Variants in TRIM8 observed in about 807,000 individuals in gnomAD.
TRIM8 encodes tripartite motif containing 8.
In TRIM8, 9 loss-of-function variants were observed where a neutral mutation model predicts 55.7. The observed-to-expected ratio is 0.16, with a 90% CI of 0.10 to 0.28. TRIM8 has a LOEUF of 0.28. Ranked by LOEUF, TRIM8 falls within the 10% of genes least tolerant of loss-of-function variation. The probability of loss-of-function intolerance (pLI) is 1.00; values close to 1 mark genes in which losing one functional copy is unlikely to be tolerated. For missense variants in TRIM8, 556 were observed against 736.4 expected, an observed-to-expected ratio of 0.76 and a Z score of 2.83; for synonymous variants, 335 against 333.3, an observed-to-expected ratio of 1.01 and a Z score of -0.06.
At chr10:102,645,300 C>T (rs2063924915) in intron 1 of TRIM8, 113 bp downstream of exon 1, 9 of 1,214,276 alleles carry the variant, frequency 7.4e-6, no homozygotes, top group Non-Finnish European at 9.8e-6. Flanking sequence ...GACATCAGGC[C>T]AGTGGCCCCT....
intron 1 of TRIM8, among the ~76,000 whole-genome samples, chr10:102,652,156 C>T (rs2063990702): frequency 6.6e-6 from 1 of 152,186 alleles, no homozygotes; most frequent in South Asian, 2.1e-4. Flanking sequence ...TGTGGGCCCC[C>T]TGCACCCAGC....
At chr10:102,652,442 A>G (rs1439775103) in intron 1 of TRIM8, among the ~76,000 whole-genome samples, 2 of 152,196 alleles carry the variant, frequency 1.3e-5, no homozygotes, top group Admixed American at 6.5e-5. Context: ...TCCTTGCAGC[A>G]TGACAGTTAC....
chr10:102,647,560 C>T (rs188629793), intron 1 of TRIM8, among the ~76,000 whole-genome samples: 7 of 151,850 alleles, frequency 4.6e-5, no homozygotes, highest in Non-Finnish European at 8.8e-5. Flanking sequence ...ACCATAGGAA[C>T]CTAAATGGAA....
intron 1 of TRIM8, 114 bp downstream of exon 1, chr10:102,645,301 A>C: frequency 8.3e-7 from 1 of 1,210,846 alleles, no homozygotes; most frequent in Non-Finnish European, 1.1e-6. Flanking sequence ...ACATCAGGCC[A>C]GTGGCCCCTG....
At position 102,656,188 on chromosome 10, in the gene TRIM8, G is replaced by C. The variant is rs142513187; in HGVS notation, c.932+51G>C. On this transcript the variant is annotated intron_variant, in intron 4 of 5. Coordinates refer to ENST00000643721, the MANE Select transcript of TRIM8 (RefSeq NM_030912.3). The surrounding 1 kb of genome is among the most constrained non-coding windows in gnomAD (Gnocchi z 4.6). ...GGGGGCACATCCTGGGGAGGGCAGG[G>C]GGGCCAGGCCCATGGCGGGGAGGTA... 3.7e-5 allele frequency: 60 copies of C among 1,614,172 alleles called. No individual in the cohort carries two copies. The African/African-American group carries it at 5.6e-4, about 15-fold the overall frequency.
In TRIM8 at chr10:102,644,943, G is replaced by T; in HGVS notation, c.326G>T (p.Arg109Leu). The change falls in exon 1 of 6, where the codon CGC (arginine) becomes CTC (leucine). Residue 109 changes from arginine to leucine, a missense_variant. Arg to Leu is a moderately radical substitution (Grantham distance 102). This residue lies in a region of TRIM8 where 165 missense variants were observed against 295.3 expected (regional missense o/e 0.56). Transcript: ENST00000643721. Reference protein sequence around the residue: ...PPLPAQKVCLRCEAPCCQSHV... With the variant: ...PPLPAQKVCLLCEAPCCQSHV... ...CTGCCCGCGCAGAAGGTCTGCCTGC[G>T]CTGCGAGGCGCCCTGCTGCCAGTCC... The T allele has an allele frequency of 6.3e-7, 1 of 1,598,250 alleles. No homozygotes were observed. Among genetic ancestry groups the T allele is most frequent in the Non-Finnish European group, 8.5e-7 (1 of 1,172,982 alleles).
chr10:102,647,784 C>T (rs546709133), intron 1 of TRIM8, among the ~76,000 whole-genome samples: 2 of 152,326 alleles, frequency 1.3e-5, no homozygotes, highest in African/African-American at 4.8e-5. Context: ...TCCTCTTCTG[C>T]CCTCCCAGGG....
At position 102,656,973 on chromosome 10, in the gene TRIM8, G is replaced by A. The variant is rs749017231; in HGVS notation, c.1275G>A (p.Leu425=). The A allele has an allele frequency of 1.9e-6, 3 of 1,612,510 alleles. No individual in the cohort carries two copies. Among genetic ancestry groups the A allele is most frequent in the Non-Finnish European group, 1.7e-6 (2 of 1,179,660 alleles). The change falls in exon 6 of 6, where the codon TTG becomes TTA. Residue 425 remains leucine, a synonymous_variant. Coordinates refer to ENST00000643721, the MANE Select transcript of TRIM8 (RefSeq NM_030912.3). This position sits in a 1 kb window ranked among gnomAD's most constrained non-coding sequence, Gnocchi z 4.6. ...GGCCCTGCAGCTCCACGCAGCACTT[G>A]GTGGCCCTGCCGGGCGGCGCCCAAC... ...PLGPCSSTQH[L]VALPGGAQPV...
At position 102,656,263 on chromosome 10, in the gene TRIM8, C is replaced by T; in HGVS notation, c.933-7C>T. The T allele has an allele frequency of 6.2e-7, 1 of 1,614,100 alleles. No individual in the cohort carries two copies. Among genetic ancestry groups the T allele is most frequent in the Non-Finnish European group, 8.5e-7 (1 of 1,179,988 alleles). On this transcript the variant is annotated splice_polypyrimidine_tract_variant and splice_region_variant and intron_variant, in intron 4 of 5. Transcript: ENST00000643721. This position sits in a 1 kb window ranked among gnomAD's most constrained non-coding sequence, Gnocchi z 4.6. ...CTCACAGCAGATGCCCCGTCCACTG[C>T]CCCCAGGACCCAGACCTGCACGAGC...
In TRIM8 at chr10:102,657,817, G is replaced by C. The variant is rs150392107; in HGVS notation, c.*463G>C. ...CTTTTGGGCAGTTTGATCACTGATCGAGTAAGGAATGACCTTTAGATTGTG... is the reference window on the plus strand; with the variant it reads ...CTTTTGGGCAGTTTGATCACTGATCCAGTAAGGAATGACCTTTAGATTGTG... On this transcript the variant is annotated 3_prime_UTR_variant, in exon 6 of 6. Coordinates refer to ENST00000643721, the MANE Select transcript of TRIM8 (RefSeq NM_030912.3). 1 of 156,696 alleles carries C rather than the reference G, an allele frequency of 6.4e-6. No individual in the cohort carries two copies. Among genetic ancestry groups the C allele is most frequent in the Non-Finnish European group, 1.4e-5 (1 of 71,178 alleles). The allele number at this position is 156,696 out of a possible 1,614,324, so 9.7% of individuals were successfully genotyped here.
rs753323365 is a variant in TRIM8 at position 102,654,757 on chromosome 10, G to A, written c.666+9G>A. ...ACAAGCGCCTGGTGGAGGTAGCTAA[G>A]CCCAAGGCCATGCTGCGGGGTGGGG... On this transcript the variant is annotated intron_variant, in intron 2 of 5. Coordinates refer to ENST00000643721, the MANE Select transcript of TRIM8 (RefSeq NM_030912.3). The A allele has an allele frequency of 8.1e-6, 13 of 1,610,322 alleles. No homozygotes were observed. Among genetic ancestry groups the A allele is most frequent in the South Asian group, 1.1e-5 (1 of 90,996 alleles).
chr10:102,650,083 G>C (rs1482827113), intron 1 of TRIM8, among the ~76,000 whole-genome samples: 1 of 151,828 alleles, frequency 6.6e-6, no homozygotes, highest in East Asian at 1.9e-4. Context: ...GAAAACCTAG[G>C]GACTGCCTCT....
intron 2 of TRIM8, 74 bp from the exon 3 acceptor site, chr10:102,655,006 A>T: frequency 6.5e-7 from 1 of 1,529,764 alleles, no homozygotes; most frequent in Non-Finnish European, 9.0e-7. Context: ...AGGATGTGAG[A>T]AGGGTAAGAG....
intron 1 of TRIM8, among the ~76,000 whole-genome samples, chr10:102,652,864 C>T (rs1019205690): frequency 2.0e-5 from 3 of 150,168 alleles, no homozygotes; most frequent in Admixed American, 6.6e-5. Context: ...AGTGCAATGG[C>T]GCGATCTTGG....
rs201289362 is a variant in TRIM8, at chr10:102,657,355, C to T, written c.*1C>T. On this transcript the variant is annotated 3_prime_UTR_variant, in exon 6 of 6. Transcript: ENST00000643721. The stretch of plus-strand genomic sequence containing the variant: ...CACCAAACACTACGTGACGAGCTAA[C>T]GCCACGCAGGCGGCGGGGCGCTGGG... 1.4e-5 allele frequency: 22 copies of T among 1,557,772 alleles called. No individual in the cohort carries two copies. The highest frequency in any genetic ancestry group is 1.1e-4 in the South Asian group (9 of 83,902).
At chr10:102,645,272 C>G (rs2063924734) in intron 1 of TRIM8, 85 bp downstream of exon 1, 7 of 1,366,174 alleles carry the variant, frequency 5.1e-6, no homozygotes, top group Non-Finnish European at 6.7e-6. Context: ...CCACCCATCC[C>G]GACAGGCTGA....
In TRIM8 at chr10:102,656,406, C is replaced by T. The variant is rs746907117; in HGVS notation, c.1048+21C>T. The T allele has an allele frequency of 1.1e-5, 17 of 1,598,672 alleles. No individual in the cohort carries two copies. The African/African-American group carries it at 1.6e-4, about 15-fold the overall frequency. On this transcript the variant is annotated intron_variant, in intron 5 of 5. Transcript: ENST00000643721. This position sits in a 1 kb window ranked among gnomAD's most constrained non-coding sequence, Gnocchi z 4.6. ...AGAAGGTGAGGGTGGGGTGTTCCGC[C>T]GAAGGGAGACAGGGACCTTTGGGGA...
chr10:102,644,562 A>G lies in TRIM8; in HGVS notation c.-56A>G. The G allele has an allele frequency of 1.3e-6, 2 of 1,551,942 alleles. No individual in the cohort carries two copies. Among genetic ancestry groups the G allele is most frequent in the Admixed American group, 1.8e-5 (1 of 54,388 alleles). On this transcript the variant is annotated 5_prime_UTR_variant, in exon 1 of 6. Coordinates refer to ENST00000643721, the MANE Select transcript of TRIM8 (RefSeq NM_030912.3). ...GTGGGCCTACAGCGGCTCCGGACGG[A>G]CCCCCGGGGCTGGGGAGTCGGGGAG...
intron 1 of TRIM8, 111 bp downstream of exon 1, chr10:102,645,298 G>T: frequency 8.1e-7 from 1 of 1,230,290 alleles, no homozygotes; most frequent in Admixed American, 3.4e-5. Flanking sequence ...GTGACATCAG[G>T]CCAGTGGCCC....
Sources: allele counts gnomAD v4.1 joint callset (sites outside exome capture counted in the v4.1 genomes callset), GRCh38; gene constraint gnomAD v4.1.1; regional missense constraint gnomAD v4.1.1; non-coding constraint Gnocchi (gnomAD v3.1); transcripts MANE v1.5; gene names NCBI Gene and HGNC (gene_info 2026-07-23, HGNC 2026-07-21).